MRTFA: variants seen among roughly 807,000 people sequenced by gnomAD.
MRTFA encodes the protein myocardin related transcription factor A, also known as myocardin-related transcription factor A.
MRTFA carries 20 observed loss-of-function variants against 83.5 expected under a neutral mutation model. The ratio of observed to expected loss-of-function variants is 0.24; its 90% CI spans 0.17 to 0.35. The LOEUF (loss-of-function observed/expected upper bound fraction) is 0.35. Ranked by LOEUF, MRTFA falls within the 10% of genes least tolerant of loss-of-function variation. The probability of loss-of-function intolerance (pLI) is 1.00; values close to 1 mark genes in which losing one functional copy is unlikely to be tolerated. For missense variants in MRTFA, 1,200 were observed against 1,224.7 expected, an observed-to-expected ratio of 0.98 and a Z score of 0.30; for synonymous variants, 659 against 541.2, an observed-to-expected ratio of 1.22 and a Z score of -3.02.
intron 3 of MRTFA, among the ~76,000 whole-genome samples, chr22:40,528,570 T>G (rs941558574): frequency 6.6e-6 from 1 of 151,880 alleles, no homozygotes; most frequent in African/African-American, 2.4e-5. Flanking sequence ...AAACCCCGTC[T>G]CTACTAAAAA....
At chr22:40,579,538 C>T (rs1190276046) in intron 2 of MRTFA, among the ~76,000 whole-genome samples, 2 of 152,052 alleles carry the variant, frequency 1.3e-5, no homozygotes, top group Non-Finnish European at 2.9e-5. Context: ...TAATGCTTAG[C>T]AAGCAGTATT....
chr22:40,566,637 G>A (rs1367324492), intron 2 of MRTFA, among the ~76,000 whole-genome samples: 1 of 152,148 alleles, frequency 6.6e-6, no homozygotes, highest in Non-Finnish European at 1.5e-5. Context: ...TTTGAGACCA[G>A]CCTGGCCAAC....
chr22:40,581,200 G>C (rs2055941898), intron 2 of MRTFA, among the ~76,000 whole-genome samples: 2 of 151,896 alleles, frequency 1.3e-5, no homozygotes, highest in South Asian at 4.2e-4. Flanking sequence ...GACTGTACTA[G>C]AGCAATAGGT....
At chr22:40,628,100 G>A (rs1818860528) in intron 1 of MRTFA, among the ~76,000 whole-genome samples, 1 of 152,164 alleles carries the variant, frequency 6.6e-6, no homozygotes, top group Non-Finnish European at 1.5e-5. Flanking sequence ...GATTAATAAG[G>A]TAGCACAATG....
rs756033541 is a variant in MRTFA, at chr22:40,439,504, CAAAAAAAAAAAAAA to C, written c.308-3964_308-3951del. Among the ~76,000 whole-genome samples, 8 of 32,148 alleles carry C rather than the reference CAAAAAAAAAAAAAA, an allele frequency of 2.5e-4. No individual in the cohort carries two copies. The South Asian group carries it at 4.4e-3, about 18-fold the overall frequency. The allele number at this position is 32,148 out of a possible 152,430, so 21.1% of individuals were successfully genotyped here. A position where few individuals can be genotyped will look rare whatever the true frequency, so the allele number is the denominator to read the frequency against. Reference sequence around the variant, plus strand: ...TGGGTGACAGAGCAAGACTCTGTCTCAAAAAAAAAAAAAAAAAAAAAAAAAAGAGACAGAAGAAA... The same window carrying C: ...TGGGTGACAGAGCAAGACTCTGTCTCAAAAAAAAAAAAGAGACAGAAGAAA... On this transcript the variant is annotated intron_variant, in intron 4 of 14. Transcript: ENST00000355630.
chr22:40,518,726 C>G (rs948137962), intron 3 of MRTFA, among the ~76,000 whole-genome samples: 2 of 134,434 alleles, frequency 1.5e-5, no homozygotes, highest in Admixed American at 8.5e-5. Flanking sequence ...ACCCAGGATG[C>G]GTAGGTTGCA....
At chr22:40,595,640 T>C (rs1391344080) in intron 1 of MRTFA, among the ~76,000 whole-genome samples, 1 of 152,014 alleles carries the variant, frequency 6.6e-6, no homozygotes, top group East Asian at 1.9e-4. Flanking sequence ...GTTCAAGAAA[T>C]GGAAGTCCTT....
At chr22:40,422,547 G>A (rs1487167268) in intron 9 of MRTFA, among the ~76,000 whole-genome samples, 1 of 152,256 alleles carries the variant, frequency 6.6e-6, no homozygotes, top group Non-Finnish European at 1.5e-5. Context: ...GGGGTAGGCT[G>A]GGAGGAGAGG....
chr22:40,449,125 G>C (rs1237252707), intron 4 of MRTFA, among the ~76,000 whole-genome samples: 1 of 151,954 alleles, frequency 6.6e-6, no homozygotes, highest in Non-Finnish European at 1.5e-5. Context: ...CAATTAGCCG[G>C]GCGTGGTGGC....
intron 3 of MRTFA, among the ~76,000 whole-genome samples, chr22:40,511,011 A>C (rs915546248): frequency 2.0e-5 from 3 of 152,214 alleles, no homozygotes; most frequent in African/African-American, 7.2e-5. Context: ...AAAATAGCTT[A>C]AGTTTTACCC....
chr22:40,411,980 T>A (rs1190949420), intron 14 of MRTFA, 73 bp from the exon 15 acceptor site: 3 of 1,310,158 alleles, frequency 2.3e-6, no homozygotes, highest in Non-Finnish European at 3.0e-6. Context: ...AGAATGAAGG[T>A]GGACCCCCCA....
At chr22:40,518,985 TTGG>T (rs370853261) in intron 3 of MRTFA, among the ~76,000 whole-genome samples, 2 of 151,350 alleles carry the variant, frequency 1.3e-5, no homozygotes, top group Non-Finnish European at 1.5e-5. Context: ...TTGGAGGCTT[TTGG>T]TGGTGGTGGT....
At chr22:40,515,620 G>A (rs895891615) in intron 3 of MRTFA, among the ~76,000 whole-genome samples, 53 of 152,094 alleles carry the variant, frequency 3.5e-4, no homozygotes, top group Admixed American at 3.1e-3. Flanking sequence ...TTGAACTCAG[G>A]TGGCGGAGGA....
chr22:40,483,685 T>TA (rs536293323), intron 3 of MRTFA, among the ~76,000 whole-genome samples: 2,736 of 140,590 alleles, frequency 0.019, 33 homozygotes, highest in Non-Finnish European at 0.027. Flanking sequence ...ACTGTCTCAA[T>TA]AAAAAAAAAA....
At position 40,486,010 on chromosome 22, in the gene MRTFA, T is replaced by C. The variant is rs1245806662; in HGVS notation, c.242-22724A>G. ...AGGCCTTCGAAGGTCGGTGCAGGAA[T>C]GAGCCATCTGCCTGGCCCACTGCCC... On this transcript the variant is annotated intron_variant, in intron 3 of 14. Coordinates refer to ENST00000355630, the MANE Select transcript of MRTFA (RefSeq NM_020831.6). Among the ~76,000 whole-genome samples the C allele has an allele frequency of 1.3e-5, 2 of 152,196 alleles. 1 individual carries two copies. Among genetic ancestry groups the C allele is most frequent in the East Asian group, 3.8e-4 (2 of 5,206 alleles).
chr22:40,547,548 G>C (rs2055384641), intron 3 of MRTFA, among the ~76,000 whole-genome samples: 1 of 152,018 alleles, frequency 6.6e-6, no homozygotes, highest in African/African-American at 2.4e-5. Context: ...AAGGGATAAG[G>C]GTAAGAAATG....
intron 1 of MRTFA, among the ~76,000 whole-genome samples, chr22:40,600,757 A>C (rs1569347029): frequency 6.6e-6 from 1 of 152,188 alleles, no homozygotes; most frequent in Non-Finnish European, 1.5e-5. Context: ...AGGCAGGCGG[A>C]TCACAAGGTC....
chr22:40,453,700 C>A (rs4507196), intron 4 of MRTFA, among the ~76,000 whole-genome samples: 93,834 of 151,750 alleles, frequency 0.62, 29,834 homozygotes, highest in African/African-American at 0.73. Flanking sequence ...CAAACAAGTG[C>A]TATTTTCTTG....
intron 1 of MRTFA, among the ~76,000 whole-genome samples, chr22:40,621,936 A>G (rs1322003548): frequency 6.6e-6 from 1 of 152,218 alleles, no homozygotes; most frequent in African/African-American, 2.4e-5. Context: ...GATGATTTAG[A>G]TAATGAGACT....
Sources: allele counts gnomAD v4.1 joint callset (sites outside exome capture counted in the v4.1 genomes callset), GRCh38; gene constraint gnomAD v4.1.1; transcripts MANE v1.5; gene names NCBI Gene and HGNC (gene_info 2026-07-23, HGNC 2026-07-21).